Variants in PFKP observed in about 807,000 individuals in gnomAD.
PFKP encodes ATP-dependent 6-phosphofructokinase, platelet type.
In PFKP, 101 loss-of-function variants were observed where a neutral mutation model predicts 94.3. The ratio of observed to expected loss-of-function variants is 1.07; its 90% confidence interval spans 0.91 to 1.26. The LOEUF (loss-of-function observed/expected upper bound fraction) is 1.26, where lower values mean the gene tolerates loss of function less well. PFKP is among the 50% of genes most tolerant of loss of function. The pLI is 0.00. For missense variants in PFKP, 1,145 were observed against 1,103.3 expected, an observed-to-expected ratio of 1.04 and a Z score of -0.53; for synonymous variants, 573 against 432.6, an observed-to-expected ratio of 1.32 and a Z score of -4.03.
intron 2 of PFKP, among the ~76,000 whole-genome samples, chr10:3,095,976 C>T (rs1834446682): frequency 6.6e-6 from 1 of 152,126 alleles, no homozygotes; most frequent in Non-Finnish European, 1.5e-5. Context: ...CTTTCTTTGC[C>T]ACATGCATCT....
In PFKP at chr10:3,129,908, C is replaced by T. The variant is rs1838377934; in HGVS notation, c.1773C>T (p.Ala591=). The T allele has an allele frequency of 6.2e-6, 10 of 1,612,896 alleles. No homozygotes were observed. Among genetic ancestry groups the T allele is most frequent in the Non-Finnish European group, 7.6e-6 (9 of 1,179,598 alleles). The change falls in exon 17 of 22, where the codon GCC becomes GCT. Residue 591 remains alanine (A), a synonymous_variant. Coordinates refer to ENST00000381125, the MANE Select transcript of PFKP (RefSeq NM_002627.5). The part of the protein sequence containing the change: ...ETMGGYCGYL[A]NMGGLAAGAD... ...TGGGCGGCTACTGTGGCTACCTGGC[C>T]AACATGGGGGGGCTCGCGGCCGGAG...
chr10:3,089,936 ACT>A (rs1486076684), intron 2 of PFKP, among the ~76,000 whole-genome samples: 2 of 151,540 alleles, frequency 1.3e-5, no homozygotes, highest in African/African-American at 2.4e-5. Flanking sequence ...ATCAATCCTA[ACT>A]CTGTCTTCAT....
intron 1 of PFKP, among the ~76,000 whole-genome samples, chr10:3,081,496 C>CTG (rs1833072824): frequency 1.3e-5 from 2 of 152,354 alleles, no homozygotes; most frequent in East Asian, 3.9e-4. Flanking sequence ...AGCAAAGGCA[C>CTG]TGAAGGCTCA....
chr10:3,094,575 T>C (rs1834328203), intron 2 of PFKP, among the ~76,000 whole-genome samples: 1 of 152,066 alleles, frequency 6.6e-6, no homozygotes. Context: ...TTGGGATGTG[T>C]GTTGGTGTGG....
At chr10:3,089,443 C>T (rs114792052) in intron 2 of PFKP, among the ~76,000 whole-genome samples, 2,266 of 152,080 alleles carry the variant, frequency 0.015, 69 homozygotes, top group African/African-American at 0.051. Flanking sequence ...TGCCGATTCC[C>T]TTTCTCGGGG....
chr10:3,083,249 T>G (rs1015203969), intron 2 of PFKP, among the ~76,000 whole-genome samples: 10 of 152,214 alleles, frequency 6.6e-5, no homozygotes, highest in Admixed American at 2.6e-4. Flanking sequence ...ATGCCTAGTG[T>G]CTGCTGATGT....
At chr10:3,105,244 G>T (rs1177120945) in intron 6 of PFKP, 85 bp downstream of exon 6, 1 of 1,405,446 alleles carries the variant, frequency 7.1e-7, no homozygotes, top group Non-Finnish European at 1.0e-6. Flanking sequence ...CCCACATCCT[G>T]AATGCTCCCG....
chr10:3,081,492 G>GGC (rs1218611331), intron 1 of PFKP, among the ~76,000 whole-genome samples: 2 of 152,206 alleles, frequency 1.3e-5, no homozygotes, highest in Non-Finnish European at 2.9e-5. Context: ...TGGGAGCAAA[G>GGC]GCACTGAAGG....
chr10:3,109,755 C>T (rs757186647), intron 10 of PFKP, among the ~76,000 whole-genome samples: 6 of 152,160 alleles, frequency 3.9e-5, no homozygotes, highest in African/African-American at 1.2e-4. Context: ...TCTAGAGCAT[C>T]GGGATCCTCA....
At chr10:3,109,589 C>T (rs1278975148) in intron 10 of PFKP, 109 bp downstream of exon 10, 3 of 1,344,184 alleles carry the variant, frequency 2.2e-6, no homozygotes, top group African/African-American at 2.9e-5. Context: ...CGATGCATTA[C>T]ACGGCCTTTC....
At chr10:3,087,308 C>T (rs1026168010) in intron 2 of PFKP, among the ~76,000 whole-genome samples, 2 of 152,104 alleles carry the variant, frequency 1.3e-5, no homozygotes, top group Non-Finnish European at 2.9e-5. Context: ...TTCTCTCTGT[C>T]TCAGCTGGGA....
chr10:3,108,641 A>C (rs1422609990), intron 8 of PFKP, 60 bp from the exon 9 acceptor site: 24 of 1,265,170 alleles, frequency 1.9e-5, no homozygotes, highest in Middle Eastern at 1.8e-4. Flanking sequence ...ACCTCCTTCC[A>C]GATCTGGGCT....
At chr10:3,135,550 C>T (rs1033368056) in intron 20 of PFKP, among the ~76,000 whole-genome samples, 186 bp from the exon 21 acceptor site, 18 of 152,192 alleles carry the variant, frequency 1.2e-4, no homozygotes, top group African/African-American at 4.1e-4. Context: ...GGCAGTCCCA[C>T]AGGAGCAGAG....
At position 3,135,929 on chromosome 10, in the gene PFKP, C is replaced by T. The variant is rs543067266; in HGVS notation, c.2225+91C>T. The T allele has an allele frequency of 1.6e-4, 127 of 791,888 alleles. No individual in the cohort carries two copies. The African/African-American group carries it at 2.1e-3, about 13-fold the overall frequency. 49.1% of individuals were successfully genotyped at this position (791,888 alleles called of 1,614,324 possible). ...TTGCTGTTGCTGTCGGCAACTCATT[C>T]AGGGGTTTGAGGAACTGGCTTTTCT... On this transcript the variant is annotated intron_variant, in intron 21 of 21. Coordinates refer to ENST00000381125, the MANE Select transcript of PFKP (RefSeq NM_002627.5).
At chr10:3,111,610 G>A (rs1169109111) in intron 10 of PFKP, among the ~76,000 whole-genome samples, 1 of 152,086 alleles carries the variant, frequency 6.6e-6, no homozygotes, top group Admixed American at 6.5e-5. Context: ...AATAACCTTA[G>A]AGATAGCTGG....
intron 16 of PFKP, among the ~76,000 whole-genome samples, chr10:3,126,491 G>A (rs1837961421): frequency 6.6e-6 from 1 of 152,204 alleles, no homozygotes; most frequent in Non-Finnish European, 1.5e-5. Flanking sequence ...CCCCACACGC[G>A]ACGCAGCCCT....
At chr10:3,104,258 T>A (rs1835318879) in intron 5 of PFKP, among the ~76,000 whole-genome samples, 1 of 152,202 alleles carries the variant, frequency 6.6e-6, no homozygotes, top group South Asian at 2.1e-4. Flanking sequence ...AACTGTTGTG[T>A]GGATTTTCCA....
intron 21 of PFKP, among the ~76,000 whole-genome samples, chr10:3,136,172 G>C (rs1039816315): frequency 2.6e-5 from 4 of 152,182 alleles, no homozygotes; most frequent in Non-Finnish European, 5.9e-5. Flanking sequence ...GCTGAGGCAG[G>C]AGAAATCGCT....
Position 3,129,811 on chromosome 10 carries a change from G to C in PFKP, c.1684-8G>C, listed in dbSNP as rs1838361291. 1.9e-6 allele frequency: 3 copies of C among 1,613,112 alleles called. No individual in the cohort carries two copies. Among genetic ancestry groups the C allele is most frequent in the East Asian group, 2.2e-5 (1 of 44,866 alleles). The stretch of plus-strand genomic sequence containing the variant: ...GGCTGGAGTGACTGATCGCTTCTCT[G>C]TGACCAGACCTGCGACCGCATCAAG... On this transcript the variant is annotated splice_region_variant and splice_polypyrimidine_tract_variant and intron_variant, in intron 16 of 21. Transcript: ENST00000381125.
Sources: allele counts gnomAD v4.1 joint callset (sites outside exome capture counted in the v4.1 genomes callset), GRCh38; gene constraint gnomAD v4.1.1; transcripts MANE v1.5; gene names NCBI Gene and HGNC (gene_info 2026-07-23, HGNC 2026-07-21).